SLC30A2: variants seen among roughly 807,000 people sequenced by gnomAD.
SLC30A2 encodes the protein proton-coupled zinc antiporter SLC30A2.
Under a neutral mutation model 39.6 loss-of-function variants are expected in SLC30A2, and 19 were observed. The observed-to-expected ratio is 0.48, with a 90% CI of 0.34 to 0.70. The LOEUF is 0.70. SLC30A2 is among the 30% of genes least tolerant of loss of function. The probability of loss-of-function intolerance (pLI) is 0.01; values close to 1 mark genes in which losing one functional copy is unlikely to be tolerated. For synonymous variants in SLC30A2, 195 were observed against 194.8 expected (o/e 1.00, Z -0.01); for missense variants, 387 against 479.4 (o/e 0.81, Z 1.80).
chr1:26,045,924 G>T lies in SLC30A2; in HGVS notation c.-28C>A. On this transcript the variant is annotated 5_prime_UTR_variant, in exon 1 of 8. Transcript: ENST00000374276. ...AGTCCCGCGCCGAGTCCCGGCAGCC[G>T]CGCAGCCGCCCCGCCGAGTGCGCCC... 1 of 1,606,154 alleles carries T rather than the reference G, an allele frequency of 6.2e-7. No homozygotes were observed. Among genetic ancestry groups the T allele is most frequent in the East Asian group, 2.2e-5 (1 of 44,708 alleles).
rs747614578 is a variant in SLC30A2, at chr1:26,043,464, C to G, written c.506G>C (p.Gly169Ala). 1 of 1,614,134 alleles carries G rather than the reference C, an allele frequency of 6.2e-7. No individual in the cohort carries two copies. Among genetic ancestry groups the G allele is most frequent in the Non-Finnish European group, 8.5e-7 (1 of 1,180,026 alleles). The change falls in exon 4 of 8, where the codon GGG becomes GCG. Residue 169 changes from glycine (G) to alanine (A), a missense_variant. By Grantham distance (60) the Gly-to-Ala change is moderately conservative. Coordinates refer to ENST00000374276, the MANE Select transcript of SLC30A2 (RefSeq NM_001004434.3). Reference protein sequence around the residue: ...VYLAVERLISGDYEIDGGTML... With the variant: ...VYLAVERLISADYEIDGGTML... The stretch of plus-strand genomic sequence containing the variant: ...GGTCCCCCCGTCAATTTCATAGTCC[C>G]CAGAGATCAGCCGCTCCACAGCCAG...
rs1323150318 is a variant in SLC30A2, at chr1:26,045,857, G to T, written c.40C>A (p.Pro14Thr). 18 of 1,613,256 alleles carry T rather than the reference G, an allele frequency of 1.1e-5. No homozygotes were observed. The highest frequency in any genetic ancestry group is 1.5e-5 in the Non-Finnish European group (18 of 1,179,894). Residue 14 changes from proline (P) to threonine (T), a missense_variant, in exon 1 of 8, where the codon CCG becomes ACG. By Grantham distance (38) the Pro-to-Thr change is conservative. Transcript: ENST00000374276. ...KEKQHLLDARPAIRSYTGSLW... is the reference protein window; with the variant it reads ...KEKQHLLDARTAIRSYTGSLW... ...AGGCTCTCGCCTTACCGGATTGCCGGCCTGGCGTCCAACAGATGCTGCTTC... is the reference window on the plus strand; with the variant it reads ...AGGCTCTCGCCTTACCGGATTGCCGTCCTGGCGTCCAACAGATGCTGCTTC...
At position 26,043,481 on chromosome 1, in the gene SLC30A2, C is replaced by T; in HGVS notation, c.489G>A (p.Val163=). Reference sequence around the variant, plus strand: ...CATAGTCCCCAGAGATCAGCCGCTCCACAGCCAGGTACACCAGTACCCCCG... The same window carrying T: ...CATAGTCCCCAGAGATCAGCCGCTCTACAGCCAGGTACACCAGTACCCCCG... ...VVTGVLVYLA[V]ERLISGDYEI... Residue 163 remains valine, a synonymous_variant, in exon 4 of 8, where the codon GTG becomes GTA. Transcript: ENST00000374276. 2 of 1,614,146 alleles carry T rather than the reference C, an allele frequency of 1.2e-6. No homozygotes were observed. Among genetic ancestry groups the T allele is most frequent in the Non-Finnish European group, 1.7e-6 (2 of 1,180,008 alleles).
At chr1:26,044,122 C>G (rs1016825799) in intron 3 of SLC30A2, among the ~76,000 whole-genome samples, 176 bp downstream of exon 3, 2 of 152,332 alleles carry the variant, frequency 1.3e-5, no homozygotes, top group South Asian at 4.1e-4. Context: ...CCCCATCAGA[C>G]TAGGATTTCC....
chr1:26,045,745 C>T, intron 1 of SLC30A2, 102 bp downstream of exon 1: 2 of 1,583,084 alleles, frequency 1.3e-6, no homozygotes, highest in Admixed American at 1.7e-5. Context: ...TGCATGGTCC[C>T]AGCTCAAGCC....
At chr1:26,043,694 C>G in intron 3 of SLC30A2, 143 bp from the exon 4 acceptor site, 2 of 743,344 alleles carry the variant, frequency 2.7e-6, no homozygotes, top group Non-Finnish European at 2.2e-6. Flanking sequence ...AAGGTATGGC[C>G]GGTATGGCTG....
intron 3 of SLC30A2, 109 bp from the exon 4 acceptor site, chr1:26,043,660 C>CA (rs2050426046): frequency 8.3e-7 from 1 of 1,199,196 alleles, no homozygotes; most frequent in East Asian, 2.6e-5. Context: ...AAAGTCAGGG[C>CA]CTGGGTCCCA....
intron 4 of SLC30A2, among the ~76,000 whole-genome samples, 163 bp downstream of exon 4, chr1:26,043,235 G>A (rs1432660352): frequency 6.6e-6 from 1 of 152,208 alleles, no homozygotes; most frequent in African/African-American, 2.4e-5. Context: ...GCCTAAGGTA[G>A]GACCCAGGTG....
chr1:26,040,653 G>T (rs1443061652), intron 6 of SLC30A2, among the ~76,000 whole-genome samples: 3 of 152,164 alleles, frequency 2.0e-5, no homozygotes, highest in Non-Finnish European at 4.4e-5. Context: ...TTTCATCTGG[G>T]TTAGCATATT....
chr1:26,039,766 C>T lies in SLC30A2; in HGVS notation c.973+11G>A. ...GTCTCCCACCCCACCCTGAGTGTCC[C>T]AAGCACTCACCAATGGCGATGTGGA... On this transcript the variant is annotated intron_variant, in intron 7 of 7. Transcript: ENST00000374276. This position sits in a 1 kb window ranked among gnomAD's most constrained non-coding sequence, Gnocchi z 4.3. 6.2e-7 allele frequency: 1 copy of T among 1,613,272 alleles called. No homozygotes were observed. Among genetic ancestry groups the T allele is most frequent in the African/African-American group, 1.3e-5 (1 of 75,056 alleles).
chr1:26,037,974 TC>T lies in SLC30A2; in HGVS notation c.*1185del, dbSNP rs2050357601. 6.6e-6 allele frequency: 1 copy of T among 152,204 alleles called. No homozygotes were observed. The highest frequency in any genetic ancestry group is 2.4e-5 in the African/African-American group (1 of 41,442). The allele number at this position is 152,204 out of a possible 1,614,324, so 9.4% of individuals were successfully genotyped here. On this transcript the variant is annotated 3_prime_UTR_variant, in exon 8 of 8. Coordinates refer to ENST00000374276, the MANE Select transcript of SLC30A2 (RefSeq NM_001004434.3). ...GTGAGGCAGCCTCGGGCCACAGAGT[TC>T]CCTGTCCCCAGGATGGTAAAAGTAA... is the stretch of plus-strand genomic sequence containing the variant.
chr1:26,042,586 A>G lies in SLC30A2; in HGVS notation c.695T>C (p.Met232Thr). ...IHVIGDFMQS[M>T]GVLVAAYILY... Reference sequence around the variant, plus strand: ...AATATAGGCTGCCACTAGGACACCCATGCTCTGCATAAAGTCGCCGATCAC... The same window carrying G: ...AATATAGGCTGCCACTAGGACACCCGTGCTCTGCATAAAGTCGCCGATCAC... Residue 232 changes from methionine (M) to threonine (T), a missense_variant, in exon 5 of 8, where the codon ATG becomes ACG. Transcript: ENST00000374276. The G allele has an allele frequency of 6.2e-7, 1 of 1,614,174 alleles. No homozygotes were observed. The highest frequency in any genetic ancestry group is 1.1e-5 in the South Asian group (1 of 91,078).
Position 26,044,729 on chromosome 1 carries a change from A to T in SLC30A2, c.271+268T>A, listed in dbSNP as rs145476874. The stretch of plus-strand genomic sequence containing the variant: ...CAGTAAATGCTCTTCCCTTCTAGGA[A>T]TTCAGGCCTTCCCTTAGCTACGAGT... On this transcript the variant is annotated intron_variant, in intron 2 of 7. Transcript: ENST00000374276. Among the ~76,000 whole-genome samples the T allele has an allele frequency of 2.1e-3, 313 of 152,380 alleles. 3 individuals are homozygous for T. Among genetic ancestry groups the T allele is most frequent in the African/African-American group, 7.1e-3 (296 of 41,590 alleles).
At chr1:26,043,194 C>T (rs1327252258) in intron 4 of SLC30A2, among the ~76,000 whole-genome samples, 5 of 152,182 alleles carry the variant, frequency 3.3e-5, no homozygotes, top group Admixed American at 1.3e-4. Flanking sequence ...ATGAAGACTC[C>T]GATTTACAGC....
In SLC30A2 at chr1:26,042,634, C is replaced by G; in HGVS notation, c.647G>C (p.Ser216Thr). The G allele has an allele frequency of 6.2e-7, 1 of 1,614,216 alleles. No individual in the cohort carries two copies. Among genetic ancestry groups the G allele is most frequent in the East Asian group, 2.2e-5 (1 of 44,890 alleles). Residue 216 changes from serine to threonine, a missense_variant, in exon 5 of 8, where the codon AGC becomes ACC. Transcript: ENST00000374276. ...GTTNQQEENP[S>T]VRAAFIHVIG... ...CACATGGATGAAGGCAGCTCGGACG[C>G]TGGGGTTCTCCTCCTGCTGGTTGGT...
chr1:26,041,623 G>C, intron 6 of SLC30A2, 77 bp downstream of exon 6: 1 of 873,088 alleles, frequency 1.1e-6, no homozygotes, highest in Non-Finnish European at 1.9e-6. Context: ...GGATGCCCCA[G>C]ACACACACAT....
Position 26,039,165 on chromosome 1 carries a change from C to A in SLC30A2, c.1114G>T (p.Asp372Tyr). ...KDCQACQGPS[D>Y] The stretch of plus-strand genomic sequence containing the variant: ...GTTGGTGCCTGGCTGAGCAGTCAGT[C>A]TGAGGGGCCCTGGCATGCCTGACAG... Residue 372 changes from aspartate to tyrosine, a missense_variant, in exon 8 of 8, where the codon GAC becomes TAC. Coordinates refer to ENST00000374276, the MANE Select transcript of SLC30A2 (RefSeq NM_001004434.3). The surrounding 1 kb of genome is among the most constrained non-coding windows in gnomAD (Gnocchi z 4.3). The A allele has an allele frequency of 6.2e-7, 1 of 1,613,764 alleles. No individual in the cohort carries two copies. Among genetic ancestry groups the A allele is most frequent in the South Asian group, 1.1e-5 (1 of 91,062 alleles).
At position 26,044,406 on chromosome 1, in the gene SLC30A2, CGTCA is replaced by C; in HGVS notation, c.306_309del (p.Asp103GlnfsTer29). ...GCAAAGTCAGTGAGCAGGTGTGCTG[CGTCA>C]GTCATGACAGCCAAGCTGTGTGCCA... On this transcript the variant is annotated frameshift_variant, in exon 3 of 8. Transcript: ENST00000374276. LOFTEE classifies it high-confidence loss of function. 1.2e-6 allele frequency: 2 copies of C among 1,613,926 alleles called. No homozygotes were observed. Among genetic ancestry groups the C allele is most frequent in the Non-Finnish European group, 1.7e-6 (2 of 1,179,948 alleles).
At chr1:26,042,500 T>G (rs771284235) in intron 5 of SLC30A2, 49 bp downstream of exon 5, 4 of 1,522,254 alleles carry the variant, frequency 2.6e-6, no homozygotes, top group Non-Finnish European at 3.6e-6. Context: ...TATACTCAGG[T>G]GGTCTACACT....
Sources: gnomAD v4.1 joint callset for allele counts (sites outside exome capture counted in the v4.1 genomes callset) on GRCh38, gnomAD v4.1.1 for gene constraint, Gnocchi (gnomAD v3.1) non-coding constraint, MANE v1.5 for transcripts, NCBI Gene and HGNC (gene_info 2026-07-23, HGNC 2026-07-21) for gene names.